The following CRACD variants were observed in gnomAD, a reference collection of about 807,000 sequenced individuals.
CRACD encodes the protein capping protein-inhibiting regulator of actin dynamics.
Under a neutral mutation model 106.8 loss-of-function variants are expected in CRACD, and 56 were observed. The ratio of observed to expected loss-of-function variants is 0.52; its 90% CI spans 0.42 to 0.66. CRACD has a LOEUF of 0.66. Ranked by LOEUF, CRACD falls within the 30% of genes least tolerant of loss-of-function variation. The pLI is 0.00. For missense variants in CRACD, 1,730 were observed against 1,623.2 expected, an observed-to-expected ratio of 1.07 and a Z score of -1.13; for synonymous variants, 754 against 670.8, an observed-to-expected ratio of 1.12 and a Z score of -1.92.
rs41498446 is a variant in CRACD, at chr4:56,328,275, G to C, written c.*471G>C. On this transcript the variant is annotated 3_prime_UTR_variant, in exon 11 of 11. Transcript: ENST00000682029. ...AGTAATGGTGAAAGGATCATATCTA[G>C]CTAAAAGCAAGAACACCCATTCTCC... 38,747 of 516,154 alleles carry C rather than the reference G, an allele frequency of 0.075. 2,018 individuals carry two copies. The highest frequency in any genetic ancestry group is 0.25 in the East Asian group (4,542 of 18,304). The allele number at this position is 516,154 out of a possible 1,614,324, so 32.0% of individuals were successfully genotyped here.
chr4:56,239,387 A>G (rs1255495671), intron 2 of CRACD, among the ~76,000 whole-genome samples: 13 of 151,994 alleles, frequency 8.6e-5, no homozygotes, highest in Admixed American at 8.5e-4. Context: ...GGTTATTTTT[A>G]TTTCCTTGGG....
At chr4:56,310,808 T>C (rs1745113358) in intron 6 of CRACD, 74 bp downstream of exon 6, 2 of 848,102 alleles carry the variant, frequency 2.4e-6, no homozygotes, top group Admixed American at 4.2e-5. Flanking sequence ...CTTTTTTTTT[T>C]TTGCGACCTG....
At chr4:56,283,139 G>C (rs1743124751) in intron 3 of CRACD, among the ~76,000 whole-genome samples, 1 of 152,086 alleles carries the variant, frequency 6.6e-6, no homozygotes, top group South Asian at 2.1e-4. Flanking sequence ...ATAGAGCACT[G>C]GGCCTGGGTT....
chr4:56,214,634 C>A (rs1396297824), intron 2 of CRACD, among the ~76,000 whole-genome samples: 1 of 140,852 alleles, frequency 7.1e-6, no homozygotes, highest in African/African-American at 2.6e-5. Flanking sequence ...GCCCTCCAGC[C>A]TGGCGACAGA....
chr4:56,254,494 CA>C (rs1560504098), intron 2 of CRACD, among the ~76,000 whole-genome samples: 1 of 151,832 alleles, frequency 6.6e-6, no homozygotes, highest in Non-Finnish European at 1.5e-5. Flanking sequence ...TTTCCTCAAC[CA>C]TGTGAACACT....
In CRACD at chr4:56,242,738, G is replaced by C. The variant is rs865983475; in HGVS notation, c.-188-29583G>C. On this transcript the variant is annotated intron_variant, in intron 2 of 10. Coordinates refer to ENST00000682029, the MANE Select transcript of CRACD (RefSeq NM_001393381.1). ...CCTACTCCCATTCCAGATTAATAGG[G>C]AACTAAGCCTCCTCTGCCACTGCAT... is the stretch of plus-strand genomic sequence containing the variant. 9.9e-5 allele frequency among the ~76,000 whole-genome samples: 15 copies of C among 152,076 alleles called. 1 individual carries two copies. Among genetic ancestry groups the C allele is most frequent in the African/African-American group, 3.4e-4 (14 of 41,386 alleles).
rs1426341929 is a variant in CRACD, at chr4:56,314,635, A to G, written c.1133A>G (p.Glu378Gly). The part of the protein sequence containing the change: ...GWEELEQQEA[E>G]VQGPPEALEE... ...GAAGAGCTGGAACAGCAGGAGGCGG[A>G]GGTGCAGGGGCCGCCCGAGGCGTTG... Residue 378 changes from glutamate to glycine, a missense_variant, in exon 8 of 11, where the codon GAG becomes GGG. Around this residue, in one of 5 missense-constraint regions of CRACD, gnomAD observed 1,620 missense variants for 1,481.6 expected, o/e 1.09. Coordinates refer to ENST00000682029, the MANE Select transcript of CRACD (RefSeq NM_001393381.1). This position sits in a 1 kb window ranked among gnomAD's most constrained non-coding sequence, Gnocchi z 4.4. 8.4e-6 allele frequency: 13 copies of G among 1,541,334 alleles called. No individual in the cohort carries two copies. The highest frequency in any genetic ancestry group is 1.1e-5 in the Non-Finnish European group (13 of 1,142,034).
intron 2 of CRACD, among the ~76,000 whole-genome samples, chr4:56,269,838 C>G (rs1742245652): frequency 6.6e-6 from 1 of 152,118 alleles, no homozygotes; most frequent in African/African-American, 2.4e-5. Flanking sequence ...ATCCAGTCAC[C>G]TCCCACCAAG....
chr4:56,088,128 GTTTCT>G (rs1733292043), intron 1 of CRACD, among the ~76,000 whole-genome samples: 1 of 126,344 alleles, frequency 7.9e-6, no homozygotes, highest in South Asian at 2.8e-4. Context: ...TCTCTAGATT[GTTTCT>G]TTTTTTTTTT....
intron 2 of CRACD, among the ~76,000 whole-genome samples, chr4:56,253,661 A>G (rs1013843134): frequency 2.6e-5 from 4 of 152,228 alleles, no homozygotes; most frequent in Non-Finnish European, 4.4e-5. Context: ...AAAACACAGC[A>G]ATAGTTTCCC....
At chr4:56,289,306 C>T (rs1560520036) in intron 3 of CRACD, among the ~76,000 whole-genome samples, 2 of 152,116 alleles carry the variant, frequency 1.3e-5, no homozygotes, top group African/African-American at 4.8e-5. Context: ...AAATCTTGAT[C>T]AATATTATAC....
chr4:56,307,147 T>C (rs1744778201), intron 4 of CRACD, among the ~76,000 whole-genome samples: 2 of 150,214 alleles, frequency 1.3e-5, no homozygotes, highest in South Asian at 4.2e-4. Flanking sequence ...TTTTCTATAA[T>C]TTTTTTTGCA....
At chr4:56,181,963 A>G (rs1300218881) in intron 2 of CRACD, among the ~76,000 whole-genome samples, 1 of 152,240 alleles carries the variant, frequency 6.6e-6, no homozygotes, top group Non-Finnish European at 1.5e-5. Context: ...TTTGGGGGAT[A>G]CAATTCAAAC....
At chr4:56,169,679 G>A (rs1322020355) in intron 1 of CRACD, among the ~76,000 whole-genome samples, 1 of 151,996 alleles carries the variant, frequency 6.6e-6, no homozygotes, top group Non-Finnish European at 1.5e-5. Flanking sequence ...GTATTTTTTT[G>A]TAGAGACGGG....
chr4:56,095,405 A>G (rs1165253765), intron 1 of CRACD, among the ~76,000 whole-genome samples: 1 of 152,214 alleles, frequency 6.6e-6, no homozygotes, highest in Non-Finnish European at 1.5e-5. Flanking sequence ...CAGTAGAGAC[A>G]AAGTGGGGGA....
intron 2 of CRACD, among the ~76,000 whole-genome samples, chr4:56,252,902 C>T (rs573830821): frequency 2.6e-5 from 4 of 152,264 alleles, no homozygotes; most frequent in South Asian, 2.1e-4. Flanking sequence ...CTGAGCGGTT[C>T]GTGTAATTCC....
At chr4:56,127,703 G>A (rs1734703767) in intron 1 of CRACD, among the ~76,000 whole-genome samples, 1 of 152,272 alleles carries the variant, frequency 6.6e-6, no homozygotes, top group Admixed American at 6.5e-5. Context: ...AGATGTCTGG[G>A]TGTGCATGGC....
Position 56,314,679 on chromosome 4 carries a change from C to T in CRACD, c.1177C>T (p.Arg393Trp), listed in dbSNP as rs768395169. The T allele has an allele frequency of 1.9e-6, 3 of 1,548,854 alleles. No homozygotes were observed. The highest frequency in any genetic ancestry group is 2.6e-6 in the Non-Finnish European group (3 of 1,146,480). ...GGCGTTGGAGGAGACTGGGGAGGGCCGGCGGGGCGCGGAGGAGGAGGATCT... is the reference window on the plus strand; with the variant it reads ...GGCGTTGGAGGAGACTGGGGAGGGCTGGCGGGGCGCGGAGGAGGAGGATCT... The part of the protein sequence containing the change: ...PEALEETGEG[R>W]RGAEEEDLGE... The change falls in exon 8 of 11, where the codon CGG becomes TGG. Residue 393 changes from arginine to tryptophan, a missense_variant. Transcript: ENST00000682029. The surrounding 1 kb of genome is among the most constrained non-coding windows in gnomAD (Gnocchi z 4.4).
At chr4:56,150,116 A>AATCAAAGTAAT (rs919735269) in intron 1 of CRACD, among the ~76,000 whole-genome samples, 3 of 152,218 alleles carry the variant, frequency 2.0e-5, no homozygotes, top group African/African-American at 7.2e-5. Context: ...CATAGAGATC[A>AATCAAAGTAAT]ATCAAAGTAA....
Sources: gnomAD v4.1 joint callset for allele counts (sites outside exome capture counted in the v4.1 genomes callset) on GRCh38, gnomAD v4.1.1 for gene constraint, gnomAD v4.1.1 regional missense constraint, Gnocchi (gnomAD v3.1) non-coding constraint, MANE v1.5 for transcripts, NCBI Gene and HGNC (gene_info 2026-07-23, HGNC 2026-07-21) for gene names.